CFAP95: variants seen among roughly 807,000 people sequenced by gnomAD.
CFAP95 encodes cilia and flagella associated protein 95.
the CFAP95 span, chr9:69,856,718 G>C: frequency 7.3e-7 from 1 of 1,375,388 alleles, no homozygotes; most frequent in African/African-American, 1.4e-5. Context: ...TGGACATGCA[G>C]AAAGGACTTG....
At chr9:69,893,080 T>C in the CFAP95 span, among the ~76,000 whole-genome samples, 131,268 of 152,192 alleles carry the variant, frequency 0.86, 56,764 homozygotes, top group Middle Eastern at 0.93. Flanking sequence ...CTTAGCCATC[T>C]GTGGATGGCA....
the CFAP95 span, among the ~76,000 whole-genome samples, chr9:69,901,921 A>G: frequency 4.3e-3 from 662 of 152,200 alleles, 7 homozygotes; most frequent in African/African-American, 0.015. Context: ...GTTTTGATTC[A>G]CATTTCTCTG....
At chr9:69,867,560 C>T in the CFAP95 span, among the ~76,000 whole-genome samples, 2 of 152,188 alleles carry the variant, frequency 1.3e-5, no homozygotes, top group African/African-American at 4.8e-5. Flanking sequence ...TGCTGCTGCT[C>T]CCAGCAAGAG....
chr9:69,837,240 A>G, the CFAP95 span, among the ~76,000 whole-genome samples: 719 of 152,328 alleles, frequency 4.7e-3, 7 homozygotes, highest in African/African-American at 0.017. Context: ...CTTTGGGTAT[A>G]TACCCAGTAA....
chr9:69,853,099 G>A, the CFAP95 span, among the ~76,000 whole-genome samples: 1 of 152,212 alleles, frequency 6.6e-6, no homozygotes, highest in African/African-American at 2.4e-5. Context: ...TACTTTCTGG[G>A]TGCCTGTAAA....
At chr9:69,890,356 C>T in the CFAP95 span, among the ~76,000 whole-genome samples, 1 of 152,072 alleles carries the variant, frequency 6.6e-6, no homozygotes, top group Non-Finnish European at 1.5e-5. Context: ...AGTTGTTTGC[C>T]TTTATTTGCA....
the CFAP95 span, among the ~76,000 whole-genome samples, chr9:69,862,691 T>C: frequency 2.0e-5 from 3 of 152,210 alleles, no homozygotes; most frequent in African/African-American, 7.2e-5. Context: ...AAAATCAGGA[T>C]AAGGTATAGT....
chr9:69,845,480 C>T, the CFAP95 span, among the ~76,000 whole-genome samples: 1 of 152,258 alleles, frequency 6.6e-6, no homozygotes, highest in East Asian at 1.9e-4. Flanking sequence ...AGTTTTAGAC[C>T]AGCATTTGAA....
the CFAP95 span, among the ~76,000 whole-genome samples, chr9:69,898,095 A>T: frequency 2.6e-5 from 4 of 151,110 alleles, no homozygotes; most frequent in Non-Finnish European, 5.9e-5. Flanking sequence ...AGCATGTTTT[A>T]TGGGACTCCC....
chr9:69,877,065 T>C, the CFAP95 span, among the ~76,000 whole-genome samples: 4 of 152,218 alleles, frequency 2.6e-5, no homozygotes, highest in Non-Finnish European at 5.9e-5. Flanking sequence ...AAATGTCAAA[T>C]TCTAAAATTT....
At chr9:69,863,296 G>A in the CFAP95 span, among the ~76,000 whole-genome samples, 7 of 152,258 alleles carry the variant, frequency 4.6e-5, no homozygotes, top group South Asian at 2.1e-4. Context: ...ACAGATGCAC[G>A]TGTAGGGAGT....
the CFAP95 span, among the ~76,000 whole-genome samples, chr9:69,828,229 C>A: frequency 6.6e-6 from 1 of 152,118 alleles, no homozygotes; most frequent in Non-Finnish European, 1.5e-5. Context: ...GTGAAACAGT[C>A]CTAATTTTTC....
At chr9:69,897,158 A>G in the CFAP95 span, among the ~76,000 whole-genome samples, 2 of 152,256 alleles carry the variant, frequency 1.3e-5, no homozygotes, top group Non-Finnish European at 2.9e-5. Context: ...GAAACAAAAT[A>G]TCACAACAAT....
At chr9:69,855,932 G>A in the CFAP95 span, among the ~76,000 whole-genome samples, 2 of 152,094 alleles carry the variant, frequency 1.3e-5, no homozygotes, top group African/African-American at 4.8e-5. Context: ...GATTTTCTTG[G>A]TGATGAGTTC....
the CFAP95 span, among the ~76,000 whole-genome samples, chr9:69,899,986 C>G: frequency 6.6e-6 from 1 of 152,318 alleles, no homozygotes; most frequent in African/African-American, 2.4e-5. Flanking sequence ...TACAACTATA[C>G]AGGTGGTCCC....
At chr9:69,837,142 C>T in the CFAP95 span, among the ~76,000 whole-genome samples, 34 of 151,876 alleles carry the variant, frequency 2.2e-4, no homozygotes, top group African/African-American at 3.9e-4. Context: ...GTTGGACATT[C>T]GGGTTGGTTC....
At chr9:69,848,593 C>T in the CFAP95 span, among the ~76,000 whole-genome samples, 8 of 152,128 alleles carry the variant, frequency 5.3e-5, no homozygotes, top group Non-Finnish European at 1.2e-4. Flanking sequence ...CCCACTTTTA[C>T]CTCTCTCTCT....
the CFAP95 span, among the ~76,000 whole-genome samples, chr9:69,857,495 A>G: frequency 6.6e-6 from 1 of 152,218 alleles, no homozygotes; most frequent in Admixed American, 6.5e-5. Context: ...AAAAGTAATC[A>G]TCATAAAAAT....
At chr9:69,822,795 C>T in the CFAP95 span, among the ~76,000 whole-genome samples, 102 of 152,274 alleles carry the variant, frequency 6.7e-4, no homozygotes, top group Non-Finnish European at 1.3e-3. Context: ...TCATTCCAGC[C>T]GCTGCTGAAA....
Sources: gnomAD v4.1 joint callset for allele counts (sites outside exome capture counted in the v4.1 genomes callset) on GRCh38, gnomAD v4.1.1 for gene constraint, MANE v1.5 for transcripts, NCBI Gene and HGNC (gene_info 2026-07-23, HGNC 2026-07-21) for gene names.